CDH4: variants seen among roughly 807,000 people sequenced by gnomAD.
CDH4 encodes the protein cadherin-4.
Under a neutral mutation model 86.0 loss-of-function variants are expected in CDH4, and 33 were observed. The ratio of observed to expected loss-of-function variants is 0.38; its 90% CI spans 0.29 to 0.51. The LOEUF (loss-of-function observed/expected upper bound fraction) is 0.51. CDH4 is among the 20% of genes least tolerant of loss of function. The pLI is 0.86. For synonymous variants in CDH4, 555 were observed against 549.4 expected (o/e 1.01, Z -0.14); for missense variants, 1,114 against 1,307.4 (o/e 0.85, Z 2.28).
intron 2 of CDH4, among the ~76,000 whole-genome samples, chr20:61,434,143 A>T (rs2085266838): frequency 6.6e-6 from 1 of 152,200 alleles, no homozygotes; most frequent in South Asian, 2.1e-4. Context: ...TCACAGGTCA[A>T]ATCAGCCAGT....
chr20:61,291,704 A>G (rs2084322035), intron 2 of CDH4, among the ~76,000 whole-genome samples: 1 of 136,496 alleles, frequency 7.3e-6, no homozygotes, highest in African/African-American at 2.7e-5. Context: ...ACCCTATCCC[A>G]GTGACTTATG....
At chr20:61,306,369 G>A (rs1056069496) in intron 2 of CDH4, among the ~76,000 whole-genome samples, 4 of 150,940 alleles carry the variant, frequency 2.7e-5, no homozygotes, top group Non-Finnish European at 5.9e-5. Context: ...ACGGAGTCTC[G>A]CTCTGTCACC....
rs1255414846 is a variant in CDH4 at position 61,480,290 on chromosome 20, T to G, written c.169+225353T>G. On this transcript the variant is annotated intron_variant, in intron 2 of 15. Transcript: ENST00000614565. This position sits in a 1 kb window ranked among gnomAD's most constrained non-coding sequence, Gnocchi z 5.2. The stretch of plus-strand genomic sequence containing the variant: ...CTCCCCAAGCGGAAGCCGGGGCAGC[T>G]GTGGCGCCCCCTGGCTGTGTCCTCT... Among the ~76,000 whole-genome samples the G allele has an allele frequency of 1.3e-5, 2 of 152,170 alleles. No individual in the cohort carries two copies.
chr20:61,653,688 G>A (rs1174094075), intron 2 of CDH4, among the ~76,000 whole-genome samples: 1 of 110,064 alleles, frequency 9.1e-6, no homozygotes, highest in South Asian at 2.9e-4. Flanking sequence ...GGGCAGAGAC[G>A]CTCCTCACCT....
chr20:61,687,782 A>G (rs994338955), intron 2 of CDH4, among the ~76,000 whole-genome samples: 1 of 152,228 alleles, frequency 6.6e-6, no homozygotes, highest in African/African-American at 2.4e-5. Flanking sequence ...TTAAAAAACC[A>G]GAAATGTGGT....
intron 4 of CDH4, among the ~76,000 whole-genome samples, chr20:61,776,031 G>A (rs1161418048): frequency 6.6e-6 from 1 of 152,146 alleles, no homozygotes; most frequent in Non-Finnish European, 1.5e-5. Context: ...CAGCATCAGT[G>A]GCTGAGGAAG....
At chr20:61,678,138 A>G (rs1176567211) in intron 2 of CDH4, among the ~76,000 whole-genome samples, 2 of 150,724 alleles carry the variant, frequency 1.3e-5, no homozygotes, top group African/African-American at 2.4e-5. Flanking sequence ...TGGAAGATAG[A>G]AGGATAGGTA....
At chr20:61,667,400 A>G (rs1253378406) in intron 2 of CDH4, among the ~76,000 whole-genome samples, 2 of 152,240 alleles carry the variant, frequency 1.3e-5, no homozygotes, top group African/African-American at 4.8e-5. Context: ...AGATGAGGAA[A>G]CCGGGGAACA....
At chr20:61,773,228 A>C (rs1002555344) in intron 4 of CDH4, 46 bp downstream of exon 4, 2 of 1,470,524 alleles carry the variant, frequency 1.4e-6, no homozygotes, top group African/African-American at 1.4e-5. Flanking sequence ...CGGCGTTAGC[A>C]GTAGGCTCTT....
chr20:61,643,606 A>G (rs945707849), intron 2 of CDH4, among the ~76,000 whole-genome samples: 2 of 152,196 alleles, frequency 1.3e-5, no homozygotes, highest in African/African-American at 4.8e-5. Flanking sequence ...GTTGAAGAAC[A>G]CAGCATTTAG....
At chr20:61,565,307 T>TTGGTGATGGTGG (rs764588345) in intron 2 of CDH4, among the ~76,000 whole-genome samples, 1 of 42,566 alleles carries the variant, frequency 2.3e-5, no homozygotes, top group Non-Finnish European at 4.7e-5. Context: ...GGCGGTGCTC[T>TTGGTGATGGTGG]TGGTGGTGGC....
chr20:61,506,524 G>A (rs2085742468), intron 2 of CDH4, among the ~76,000 whole-genome samples: 1 of 152,214 alleles, frequency 6.6e-6, no homozygotes, highest in African/African-American at 2.4e-5. Flanking sequence ...TAAGGATTAA[G>A]CTTCCATTTT....
chr20:61,852,592 T>C (rs572178476), intron 5 of CDH4, among the ~76,000 whole-genome samples, 162 bp from the exon 6 acceptor site: 4 of 152,246 alleles, frequency 2.6e-5, no homozygotes, highest in African/African-American at 7.2e-5. Flanking sequence ...AGGAGAGAGC[T>C]GAGGCTCAGA....
rs955816972 is a variant in CDH4 at position 61,676,531 on chromosome 20, C to T, written c.170-67032C>T. Among the ~76,000 whole-genome samples the T allele has an allele frequency of 2.6e-5, 4 of 152,032 alleles. No homozygotes were observed. The highest frequency in any genetic ancestry group is 7.2e-5 in the African/African-American group (3 of 41,390). ...AGACAAAAGGGAGGTGAGAAAACTC[C>T]TTGTCTGCAGGGATGGGTCTGCTTG... is the stretch of plus-strand genomic sequence containing the variant. On this transcript the variant is annotated intron_variant, in intron 2 of 15. Transcript: ENST00000614565. This position sits in a 1 kb window ranked among gnomAD's most constrained non-coding sequence, Gnocchi z 4.5.
At chr20:61,789,587 A>G (rs1979055293) in intron 4 of CDH4, among the ~76,000 whole-genome samples, 1 of 152,196 alleles carries the variant, frequency 6.6e-6, no homozygotes, top group Non-Finnish European at 1.5e-5. Flanking sequence ...CACATCAGGG[A>G]GGAGAGGAAA....
Position 61,910,620 on chromosome 20 carries a change from C to T in CDH4, c.1374+13C>T, listed in dbSNP as rs768338665. 9 of 1,607,292 alleles carry T rather than the reference C, an allele frequency of 5.6e-6. No homozygotes were observed. The highest frequency in any genetic ancestry group is 7.7e-6 in the Non-Finnish European group (9 of 1,174,716). ...CACCGTGGTGAAGGTGCGTACTCTTCTCACACCCTGCCAGGCACCCCAAGT... is the reference window on the plus strand; with the variant it reads ...CACCGTGGTGAAGGTGCGTACTCTTTTCACACCCTGCCAGGCACCCCAAGT... On this transcript the variant is annotated intron_variant, in intron 9 of 15. Transcript: ENST00000614565.
In CDH4 at chr20:61,840,597, C is replaced by T. The variant is rs187351110; in HGVS notation, c.577-4071C>T. ...CTGTTCTGTCCTCTAATAACAAATGCGGAAGAGCGTGGGTCTCCACGGCAT... is the reference window on the plus strand; with the variant it reads ...CTGTTCTGTCCTCTAATAACAAATGTGGAAGAGCGTGGGTCTCCACGGCAT... On this transcript the variant is annotated intron_variant, in intron 4 of 15. Transcript: ENST00000614565. Among the ~76,000 whole-genome samples the T allele has an allele frequency of 1.6e-4, 24 of 152,342 alleles. No individual in the cohort carries two copies. In the East Asian group the frequency reaches 2.5e-3, roughly 16 times the overall value.
chr20:61,775,321 G>A (rs914008157), intron 4 of CDH4, among the ~76,000 whole-genome samples: 4 of 152,096 alleles, frequency 2.6e-5, no homozygotes, highest in Non-Finnish European at 5.9e-5. Flanking sequence ...GAAGGTCACC[G>A]AGACAGGGAG....
chr20:61,696,822 A>G (rs1047000852), intron 2 of CDH4, among the ~76,000 whole-genome samples: 4 of 152,212 alleles, frequency 2.6e-5, no homozygotes, highest in African/African-American at 7.2e-5. Context: ...TGAAGATGTG[A>G]TGGAATTAAG....
Sources: gnomAD v4.1 joint callset for allele counts (sites outside exome capture counted in the v4.1 genomes callset) on GRCh38, gnomAD v4.1.1 for gene constraint, Gnocchi (gnomAD v3.1) non-coding constraint, MANE v1.5 for transcripts, NCBI Gene and HGNC (gene_info 2026-07-23, HGNC 2026-07-21) for gene names.